Variants in RLN2 observed in about 807,000 individuals in gnomAD.
The protein encoded by RLN2 is prorelaxin H2.
RLN2 carries 10 observed loss-of-function variants against 7.3 expected under a neutral mutation model. The ratio of observed to expected loss-of-function variants is 1.36; its 90% CI spans 0.84 to 2.31. The LOEUF (loss-of-function observed/expected upper bound fraction) is 2.31. RLN2 is among the 30% of genes most tolerant of loss of function. RLN2 has a pLI of 0.00. For synonymous variants in RLN2, 103 were observed against 82.3 expected, an observed-to-expected ratio of 1.25 and a Z score of -1.36; for missense variants, 298 against 217.6, an observed-to-expected ratio of 1.37 and a Z score of -2.32.
the RLN2 span, among the ~76,000 whole-genome samples, chr9:5,334,415 T>C: frequency 6.6e-6 from 1 of 152,052 alleles, no homozygotes; most frequent in African/African-American, 2.4e-5. Context: ...AAAATGCATG[T>C]GTATATACAT....
chr9:5,311,757 T>A, the RLN2 span: 5 of 870,242 alleles, frequency 5.7e-6, no homozygotes, highest in Non-Finnish European at 9.3e-6. Flanking sequence ...CTGGTGACTG[T>A]AGAGTTTGAA....
intron 1 of RLN2, among the ~76,000 whole-genome samples, chr9:5,301,968 A>G (rs1041951604): frequency 6.6e-6 from 1 of 152,198 alleles, no homozygotes; most frequent in Non-Finnish European, 1.5e-5. Flanking sequence ...CCCCTCAGTA[A>G]GACATCCTAA....
the RLN2 span, among the ~76,000 whole-genome samples, chr9:5,313,011 T>C: frequency 3.9e-5 from 6 of 152,046 alleles, no homozygotes; most frequent in Admixed American, 3.9e-4. Context: ...TGATCTAGCA[T>C]GAAAAATGTT....
At chr9:5,300,767 C>T (rs1203703037) in intron 1 of RLN2, among the ~76,000 whole-genome samples, 3 of 152,336 alleles carry the variant, frequency 2.0e-5, no homozygotes, top group African/African-American at 4.8e-5. Flanking sequence ...ATGTAAGTCA[C>T]TGAAAACAGT....
chr9:5,326,324 G>A, the RLN2 span, among the ~76,000 whole-genome samples: 1 of 152,074 alleles, frequency 6.6e-6, no homozygotes, highest in African/African-American at 2.4e-5. Flanking sequence ...GGCTAGAAGG[G>A]GAAGAAGGAA....
the RLN2 span, among the ~76,000 whole-genome samples, chr9:5,311,952 A>G: frequency 6.6e-6 from 1 of 151,988 alleles, no homozygotes; most frequent in Non-Finnish European, 1.5e-5. Flanking sequence ...AATTTACAAG[A>G]AAAAAACAAA....
At chr9:5,328,277 A>T in the RLN2 span, among the ~76,000 whole-genome samples, 1 of 152,066 alleles carries the variant, frequency 6.6e-6, no homozygotes, top group Non-Finnish European at 1.5e-5. Context: ...ACAAGCTTCA[A>T]TTGCTGATTC....
the RLN2 span, among the ~76,000 whole-genome samples, chr9:5,336,636 A>T: frequency 6.6e-6 from 1 of 152,100 alleles, no homozygotes; most frequent in Non-Finnish European, 1.5e-5. Flanking sequence ...AATTATCCTA[A>T]TTATACAATT....
At chr9:5,323,451 C>A in the RLN2 span, among the ~76,000 whole-genome samples, 1 of 151,864 alleles carries the variant, frequency 6.6e-6, no homozygotes, top group African/African-American at 2.4e-5. Flanking sequence ...TATATAACTT[C>A]TGTTATATAA....
At chr9:5,309,763 G>A in the RLN2 span, among the ~76,000 whole-genome samples, 1 of 151,974 alleles carries the variant, frequency 6.6e-6, no homozygotes, top group Non-Finnish European at 1.5e-5. Context: ...GGGGGCAGTG[G>A]CAAGCACACA....
At chr9:5,335,398 T>C in the RLN2 span, 4 of 1,613,758 alleles carry the variant, frequency 2.5e-6, no homozygotes, top group Middle Eastern at 1.7e-4. Flanking sequence ...CGGCTTCACT[T>C]TGCCTATTGC....
At chr9:5,324,047 A>AAAAT in the RLN2 span, among the ~76,000 whole-genome samples, 950 of 151,924 alleles carry the variant, frequency 6.3e-3, 10 homozygotes, top group African/African-American at 0.021. Context: ...ACTCTGTCTC[A>AAAAT]AAATAAATAA....
the RLN2 span, among the ~76,000 whole-genome samples, chr9:5,331,362 G>C: frequency 6.6e-6 from 1 of 151,854 alleles, no homozygotes; most frequent in Non-Finnish European, 1.5e-5. Context: ...CTACTATAAA[G>C]ACACATGCAC....
the RLN2 span, chr9:5,335,680 CAA>C: frequency 3.7e-6 from 3 of 812,918 alleles, no homozygotes; most frequent in Admixed American, 8.2e-5. Context: ...TTTGCATACA[CAA>C]AGAAAAGAAA....
chr9:5,305,380 C>T (rs1258815564), upstream of RLN2, among the ~76,000 whole-genome samples: 4 of 142,332 alleles, frequency 2.8e-5, no homozygotes, highest in African/African-American at 1.1e-4. Context: ...CACACACACA[C>T]ACACACACAC....
the RLN2 span, chr9:5,311,454 A>C: frequency 4.9e-6 from 3 of 611,684 alleles, no homozygotes; most frequent in East Asian, 5.6e-5. Context: ...CATGCCCAAG[A>C]GAAAGGCTGA....
chr9:5,334,163 T>C, the RLN2 span, among the ~76,000 whole-genome samples: 1 of 152,014 alleles, frequency 6.6e-6, no homozygotes, highest in Non-Finnish European at 1.5e-5. Flanking sequence ...TTGGAAGTTC[T>C]AGCCAGGTCA....
At chr9:5,323,021 C>G in the RLN2 span, among the ~76,000 whole-genome samples, 2 of 151,720 alleles carry the variant, frequency 1.3e-5, no homozygotes, top group South Asian at 4.2e-4. Flanking sequence ...ATGTATCTAT[C>G]TTTGCCAGAA....
the RLN2 span, among the ~76,000 whole-genome samples, chr9:5,327,053 G>C: frequency 6.6e-6 from 1 of 152,064 alleles, no homozygotes; most frequent in Non-Finnish European, 1.5e-5. Flanking sequence ...TTGAACAGTG[G>C]GGGCAGCCCA....
Sources: gnomAD v4.1 joint callset for allele counts (sites outside exome capture counted in the v4.1 genomes callset) on GRCh38, gnomAD v4.1.1 for gene constraint, MANE v1.5 for transcripts, NCBI Gene and HGNC (gene_info 2026-07-23, HGNC 2026-07-21) for gene names.